Variants in DHCR7 observed in about 807,000 individuals in gnomAD.
DHCR7 encodes the protein 7-dehydrocholesterol reductase.
Under a neutral mutation model 43.3 loss-of-function variants are expected in DHCR7, and 40 were observed. The ratio of observed to expected loss-of-function variants is 0.92; its 90% CI spans 0.72 to 1.20. The LOEUF is 1.20. Among genes scored for constraint, DHCR7 ranks in the 50% most tolerant of loss-of-function variants. The pLI, the probability that DHCR7 is intolerant of heterozygous loss-of-function variation, is 0.00. For missense variants in DHCR7, 608 were observed against 644.6 expected (o/e 0.94, Z 0.62); for synonymous variants, 298 against 271.4 (o/e 1.10, Z -0.96).
chr11:71,435,516 G>C lies in DHCR7; in HGVS notation c.1287C>G (p.Pro429=). 6.2e-7 allele frequency: 1 copy of C among 1,611,588 alleles called. No individual in the cohort carries two copies. The highest frequency in any genetic ancestry group is 1.7e-4 in the Middle Eastern group (1 of 6,060). The change falls in exon 9 of 9, where the codon CCC becomes CCG. Residue 429 remains proline (P), a synonymous_variant. Coordinates refer to ENST00000355527, the MANE Select transcript of DHCR7 (RefSeq NM_001360.3). The part of the protein sequence containing the change: ...CLACGGGHLL[P]YFYIIYMAIL... ...TGGCCATGTAGATGATGTAGAAGTA[G>C]GGCAGCAGGTGGCCGCCGCCACAGG...
At chr11:71,429,174 G>GGTGGAGCA (rs1283352021) in intron 2 of DHCR7, among the ~76,000 whole-genome samples, 1 of 152,200 alleles carries the variant, frequency 6.6e-6, no homozygotes, top group Non-Finnish European at 1.5e-5. Context: ...CTTTGACTGA[G>GGTGGAGCA]GTGGAGCAGT....
chr11:71,447,337 A>AT (rs1949415643), intron 2 of DHCR7, among the ~76,000 whole-genome samples: 1 of 152,248 alleles, frequency 6.6e-6, no homozygotes, highest in Non-Finnish European at 1.5e-5. Flanking sequence ...ACAAGACCAA[A>AT]GAAGTACTTT....
chr11:71,446,946 A>T (rs1218769439), intron 2 of DHCR7, among the ~76,000 whole-genome samples: 1 of 152,238 alleles, frequency 6.6e-6, no homozygotes, highest in East Asian at 1.9e-4. Context: ...TGATCTCAAG[A>T]TCACAGCCAC....
chr11:71,443,745 C>T (rs1336934131), intron 4 of DHCR7, among the ~76,000 whole-genome samples: 2 of 152,168 alleles, frequency 1.3e-5, no homozygotes, highest in Non-Finnish European at 2.9e-5. Context: ...CAGAGCTGGG[C>T]GTGCCCAGCA....
At chr11:71,444,581 T>TA (rs935918250) in intron 3 of DHCR7, among the ~76,000 whole-genome samples, 8 of 152,332 alleles carry the variant, frequency 5.3e-5, no homozygotes, top group Admixed American at 3.9e-4. Context: ...GCTGTGACAA[T>TA]AGGTCATACC....
chr11:71,437,168 C>T (rs927284704), intron 8 of DHCR7, among the ~76,000 whole-genome samples: 8 of 152,214 alleles, frequency 5.3e-5, no homozygotes, highest in South Asian at 2.1e-4. Context: ...CAGGTGATGC[C>T]GGGCCTGTCA....
At chr11:71,432,354 T>C (rs1949232663), downstream of DHCR7, among the ~76,000 whole-genome samples, 1 of 152,242 alleles carries the variant, frequency 6.6e-6, no homozygotes, top group Non-Finnish European at 1.5e-5. Context: ...TTAACTTTCC[T>C]CCCTCTAATT....
chr11:71,440,244 G>A (rs964171657), intron 6 of DHCR7, among the ~76,000 whole-genome samples: 1 of 152,236 alleles, frequency 6.6e-6, no homozygotes, highest in Non-Finnish European at 1.5e-5. Context: ...TGCTCAGGCA[G>A]GAGGTTGACC....
At chr11:71,430,321 G>C (rs139685531), downstream of DHCR7, among the ~76,000 whole-genome samples, 512 of 152,366 alleles carry the variant, frequency 3.4e-3, 4 homozygotes, top group African/African-American at 0.011. Context: ...TTGTGGGAGG[G>C]AGCATGTGAG....
Position 71,435,664 on chromosome 11 carries a change from C to A in DHCR7, c.1139G>T (p.Cys380Phe), listed in dbSNP as rs779709646. Reference protein sequence around the residue: ...IWGRKPKVIECSYTSADGQRH... With the variant: ...IWGRKPKVIEFSYTSADGQRH... The stretch of plus-strand genomic sequence containing the variant: ...CTGCCCATCGGCGGATGTGTAGGAG[C>A]ACTCGATGACCTTGGGCTTCCTGCC... The change falls in exon 9 of 9, where the codon TGC becomes TTC. Residue 380 changes from cysteine (C) to phenylalanine (F), a missense_variant. By Grantham distance (205) the Cys-to-Phe change is radical (BLOSUM62 -2). Coordinates refer to ENST00000355527, the MANE Select transcript of DHCR7 (RefSeq NM_001360.3). 4 of 1,613,042 alleles carry A rather than the reference C, an allele frequency of 2.5e-6. No individual in the cohort carries two copies. In the East Asian group the frequency reaches 8.9e-5, roughly 36 times the overall value.
chr11:71,440,659 G>A (rs1336568785), intron 6 of DHCR7, among the ~76,000 whole-genome samples: 2 of 146,920 alleles, frequency 1.4e-5, no homozygotes, highest in Non-Finnish European at 3.0e-5. Context: ...TGGTGGGTGG[G>A]TGAATGGGAT....
upstream of DHCR7, chr11:71,448,440 A>G (rs1176508248): frequency 6.6e-6 from 1 of 152,262 alleles, no homozygotes; most frequent in Non-Finnish European, 1.5e-5. Context: ...TTGCCTGCCA[A>G]TCGGAGGCGG....
At chr11:71,444,745 A>G in intron 3 of DHCR7, 110 bp downstream of exon 3, 1 of 950,480 alleles carries the variant, frequency 1.1e-6, no homozygotes. Context: ...AAAAAAAAAA[A>G]TCTTTTTTAA....
At chr11:71,432,241 G>A (rs955754785), downstream of DHCR7, among the ~76,000 whole-genome samples, 8 of 152,220 alleles carry the variant, frequency 5.3e-5, no homozygotes, top group African/African-American at 7.2e-5. Context: ...CCTACGTACT[G>A]TTTAGGAGAA....
In DHCR7 at chr11:71,435,548, A is replaced by T. The variant is rs1565584753; in HGVS notation, c.1255T>A (p.Cys419Ser). ...AGGTGGCCGCCGCCACAGGCCAGGC[A>T]GTAGGCCAGGCTGCCCATCAGGTCG... ...VGDLMGSLAY[C>S]LACGGGHLLP... The change falls in exon 9 of 9, where the codon TGC becomes AGC. Residue 419 changes from cysteine (C) to serine (S), a missense_variant. Cys to Ser is a moderately radical substitution (Grantham distance 112). Transcript: ENST00000355527. 2 of 1,611,006 alleles carry T rather than the reference A, an allele frequency of 1.2e-6. No individual in the cohort carries two copies.
rs1316212956 is a variant in DHCR7 at position 71,448,362 on chromosome 11, C to G, written c.-204G>C. ...GCTTGCGCGCGCTGCTCCACGCCGC[C>G]TACCCTCTAGCCAGGGGTCGGAGTC... On this transcript the variant is annotated 5_prime_UTR_variant, in exon 1 of 9. Coordinates refer to ENST00000355527, the MANE Select transcript of DHCR7 (RefSeq NM_001360.3). The G allele has an allele frequency of 6.5e-6, 1 of 153,264 alleles. No individual in the cohort carries two copies. The highest frequency in any genetic ancestry group is 1.5e-5 in the Non-Finnish European group (1 of 68,738). 9.5% of individuals were successfully genotyped at this position (153,264 alleles called of 1,614,324 possible). A position where few individuals can be genotyped will look rare whatever the true frequency, so the allele number is the denominator to read the frequency against.
chr11:71,445,374 C>T (rs985163976), intron 2 of DHCR7, among the ~76,000 whole-genome samples: 6 of 152,228 alleles, frequency 3.9e-5, no homozygotes, highest in South Asian at 2.1e-4. Flanking sequence ...GCTTAGAGCA[C>T]GTTTGCAGGT....
At chr11:71,441,576 A>G in intron 5 of DHCR7, 136 bp from the exon 6 acceptor site, 1 of 758,426 alleles carries the variant, frequency 1.3e-6, no homozygotes, top group Non-Finnish European at 2.3e-6. Flanking sequence ...CTGGGGCCCC[A>G]GGAACCATCT....
At chr11:71,433,848 C>T (rs150918028), downstream of DHCR7, among the ~76,000 whole-genome samples, 503 of 152,356 alleles carry the variant, frequency 3.3e-3, no homozygotes, top group African/African-American at 0.011. Context: ...AGCACAGATG[C>T]ACGGGACCCC....
Sources: gnomAD v4.1 joint callset for allele counts (sites outside exome capture counted in the v4.1 genomes callset) on GRCh38, gnomAD v4.1.1 for gene constraint, MANE v1.5 for transcripts, NCBI Gene and HGNC (gene_info 2026-07-23, HGNC 2026-07-21) for gene names.